DTWD2: variants seen among roughly 807,000 people sequenced by gnomAD.
DTWD2 encodes tRNA-uridine aminocarboxypropyltransferase 2.
In DTWD2, 39 loss-of-function variants were observed where a neutral mutation model predicts 31.8. The ratio of observed to expected loss-of-function variants is 1.22; its 90% CI spans 0.95 to 1.60. The LOEUF (loss-of-function observed/expected upper bound fraction) is 1.60, where lower values mean the gene tolerates loss of function less well. Ranked by LOEUF, DTWD2 falls within the 40% of genes most tolerant of loss-of-function variation. The pLI is 0.00. For missense variants in DTWD2, 515 were observed against 381.5 expected (o/e 1.35, Z -2.92); for synonymous variants, 180 against 142.8 (o/e 1.26, Z -1.86).
chr5:118,859,674 T>C (rs1453109568), intron 4 of DTWD2, among the ~76,000 whole-genome samples: 1 of 152,212 alleles, frequency 6.6e-6, no homozygotes, highest in Non-Finnish European at 1.5e-5. Context: ...AGTCACACAG[T>C]TGCATAGTCA....
intron 1 of DTWD2, among the ~76,000 whole-genome samples, chr5:118,970,723 T>C (rs1025963836): frequency 6.6e-6 from 1 of 152,034 alleles, no homozygotes; most frequent in Non-Finnish European, 1.5e-5. Flanking sequence ...AGAAAAAATG[T>C]TAAGGGCAGC....
rs150489728 is a variant in DTWD2 at position 118,904,404 on chromosome 5, T to G, written c.597+24133A>C. Reference sequence around the variant, plus strand: ...ACATAGAAAAATTTCCATGGCATAGTATAAAAATAAAAAGCAAGTTCCTGA... The same window carrying G: ...ACATAGAAAAATTTCCATGGCATAGGATAAAAATAAAAAGCAAGTTCCTGA... On this transcript the variant is annotated intron_variant, in intron 4 of 5. Coordinates refer to ENST00000510708, the MANE Select transcript of DTWD2 (RefSeq NM_173666.4). Among the ~76,000 whole-genome samples the G allele has an allele frequency of 1.2e-3, 176 of 152,244 alleles. 3 individuals are homozygous for G. The highest frequency in any genetic ancestry group is 4.1e-3 in the African/African-American group (169 of 41,580).
intron 4 of DTWD2, among the ~76,000 whole-genome samples, chr5:118,873,207 G>T (rs1752545629): frequency 2.0e-5 from 3 of 152,200 alleles, no homozygotes. Context: ...GTGGAGCACA[G>T]CCCGGAACAG....
intron 1 of DTWD2, among the ~76,000 whole-genome samples, chr5:118,949,967 T>G (rs1216587104): frequency 6.6e-6 from 1 of 152,018 alleles, no homozygotes. Flanking sequence ...TCCCAGCACT[T>G]TGGGAGGCCA....
intron 4 of DTWD2, among the ~76,000 whole-genome samples, chr5:118,858,863 T>C (rs1399879279): frequency 2.6e-5 from 4 of 152,170 alleles, no homozygotes; most frequent in African/African-American, 7.2e-5. Flanking sequence ...CCAAACAAGG[T>C]CCACACATTG....
At chr5:118,967,694 C>CTGAA (rs1220424712) in intron 1 of DTWD2, among the ~76,000 whole-genome samples, 2 of 151,930 alleles carry the variant, frequency 1.3e-5, no homozygotes, top group Non-Finnish European at 2.9e-5. Flanking sequence ...AAGCAAATAA[C>CTGAA]TGAATAAATA....
At chr5:118,973,079 C>CCTTTT (rs1221777850) in intron 1 of DTWD2, among the ~76,000 whole-genome samples, 1 of 140,000 alleles carries the variant, frequency 7.1e-6, no homozygotes, top group East Asian at 2.0e-4. Context: ...TTGCAACCCC[C>CCTTTT]TTTTTTTTTT....
chr5:118,987,179 C>T (rs1261130079), intron 1 of DTWD2, among the ~76,000 whole-genome samples: 1 of 152,210 alleles, frequency 6.6e-6, no homozygotes, highest in Non-Finnish European at 1.5e-5. Context: ...GCTTCCCCAA[C>T]CCCCTCAGAC....
Position 118,918,844 on chromosome 5 carries a change from G to A in DTWD2, c.597+9693C>T, listed in dbSNP as rs995509451. 2.1e-3 allele frequency among the ~76,000 whole-genome samples: 303 copies of A among 146,586 alleles called. 1 individual carries two copies. Among genetic ancestry groups the A allele is most frequent in the Non-Finnish European group, 3.6e-3 (236 of 66,166 alleles). ...CTCTACCAGGAAAAAAAAAAAAAAA[G>A]AAAAGGAATGTGACCTCACAACCAC... On this transcript the variant is annotated intron_variant, in intron 4 of 5. Transcript: ENST00000510708.
chr5:118,920,783 T>G (rs940001062), intron 4 of DTWD2, among the ~76,000 whole-genome samples: 13 of 152,214 alleles, frequency 8.5e-5, no homozygotes, highest in African/African-American at 3.1e-4. Context: ...TATGTGTTAT[T>G]GTCAATTTTT....
chr5:118,850,477 CAAAAAAAAAAAA>C lies in DTWD2; in HGVS notation c.598-2271_598-2260del, dbSNP rs34808087. On this transcript the variant is annotated intron_variant, in intron 4 of 5. Coordinates refer to ENST00000510708, the MANE Select transcript of DTWD2 (RefSeq NM_173666.4). The stretch of plus-strand genomic sequence containing the variant: ...TGGGTGACAGAGCCAGACCCCACCA[CAAAAAAAAAAAA>C]AAAAAAAAAAAAAAAAAAAAATTAA... Among the ~76,000 whole-genome samples, 35 of 30,470 alleles carry C rather than the reference CAAAAAAAAAAAA, an allele frequency of 1.1e-3. No homozygotes were observed. The South Asian group carries it at 0.012, about 10-fold the overall frequency. 20.0% of individuals were successfully genotyped at this position (30,470 alleles called of 152,430 possible).
chr5:118,913,418 T>A (rs1447978949), intron 4 of DTWD2, among the ~76,000 whole-genome samples: 2 of 139,742 alleles, frequency 1.4e-5, no homozygotes, highest in Non-Finnish European at 1.5e-5. Flanking sequence ...TAGATATATA[T>A]AGATATATAT....
chr5:118,895,949 C>T (rs545107238), intron 4 of DTWD2, among the ~76,000 whole-genome samples: 1 of 152,216 alleles, frequency 6.6e-6, no homozygotes, highest in South Asian at 2.1e-4. Flanking sequence ...TTATATAATT[C>T]ATACAAAACT....
chr5:118,959,953 T>C (rs777465012), intron 1 of DTWD2, among the ~76,000 whole-genome samples: 10 of 152,022 alleles, frequency 6.6e-5, no homozygotes, highest in Admixed American at 1.3e-4. Context: ...TCAAGATGGA[T>C]TAAAAACTTC....
intron 4 of DTWD2, among the ~76,000 whole-genome samples, chr5:118,861,353 G>T (rs528677791): frequency 2.8e-4 from 43 of 152,286 alleles, no homozygotes; most frequent in African/African-American, 9.4e-4. Context: ...CATTCTTGGG[G>T]CTTCATCTAC....
rs140963337 is a variant in DTWD2, at chr5:118,962,379, T to A, written c.219-17730A>T. ...TGCCTTTCCCCTAAAAAAGTGGTTT[T>A]CATCAATGCAACACCTATATACAGC... On this transcript the variant is annotated intron_variant, in intron 1 of 5. Coordinates refer to ENST00000510708, the MANE Select transcript of DTWD2 (RefSeq NM_173666.4). 3.5e-3 allele frequency among the ~76,000 whole-genome samples: 535 copies of A among 152,274 alleles called. 6 individuals are homozygous for A. The highest frequency in any genetic ancestry group is 0.012 in the African/African-American group (512 of 41,556).
intron 1 of DTWD2, among the ~76,000 whole-genome samples, chr5:118,981,881 G>C (rs1755310179): frequency 6.6e-6 from 1 of 152,180 alleles, no homozygotes; most frequent in African/African-American, 2.4e-5. Flanking sequence ...GAAGAAGGCA[G>C]AGAAACACCT....
chr5:118,857,396 GT>G (rs1203760693), intron 4 of DTWD2, among the ~76,000 whole-genome samples: 4 of 152,092 alleles, frequency 2.6e-5, no homozygotes, highest in African/African-American at 9.7e-5. Flanking sequence ...TATGTTGGGG[GT>G]TTTTTGCAGT....
intron 4 of DTWD2, among the ~76,000 whole-genome samples, chr5:118,893,164 C>G (rs1315593067): frequency 6.6e-6 from 1 of 151,924 alleles, no homozygotes; most frequent in African/African-American, 2.4e-5. Flanking sequence ...TGCTTAAGAT[C>G]AGGAGTTCGA....
Sources: gnomAD v4.1 joint callset for allele counts (sites outside exome capture counted in the v4.1 genomes callset) on GRCh38, gnomAD v4.1.1 for gene constraint, MANE v1.5 for transcripts, NCBI Gene and HGNC (gene_info 2026-07-23, HGNC 2026-07-21) for gene names.